EYA1: variants seen among roughly 807,000 people sequenced by gnomAD.
EYA1 encodes the protein protein phosphatase EYA1.
Under a neutral mutation model 82.0 loss-of-function variants are expected in EYA1, and 16 were observed. The observed-to-expected ratio is 0.20, with a 90% confidence interval of 0.13 to 0.30. The LOEUF (loss-of-function observed/expected upper bound fraction) is 0.30, where lower values mean the gene tolerates loss of function less well. Among genes scored for constraint, EYA1 ranks in the 10% least tolerant of loss-of-function variants. The pLI, the probability that EYA1 is intolerant of heterozygous loss-of-function variation, is 1.00. For missense variants in EYA1, 633 were observed against 730.7 expected (o/e 0.87, Z 1.54); for synonymous variants, 261 against 264.4 (o/e 0.99, Z 0.12).
intron 4 of EYA1, among the ~76,000 whole-genome samples, chr8:71,327,959 G>A (rs566059172): frequency 2.0e-5 from 3 of 150,068 alleles, no homozygotes; most frequent in East Asian, 4.0e-4. Context: ...GGGTTCAAGC[G>A]ATTCTCCTGC....
intron 2 of EYA1, among the ~76,000 whole-genome samples, chr8:71,442,896 A>G (rs1240817595): frequency 6.6e-6 from 1 of 152,232 alleles, no homozygotes; most frequent in Non-Finnish European, 1.5e-5. Flanking sequence ...TGTGTATTAC[A>G]GGTCACTTTT....
intron 2 of EYA1, among the ~76,000 whole-genome samples, chr8:71,461,256 C>T (rs1808340449): frequency 6.6e-6 from 1 of 151,976 alleles, no homozygotes; most frequent in South Asian, 2.1e-4. Context: ...CTGCACCCGG[C>T]TCATGCTACT....
intron 17 of EYA1, among the ~76,000 whole-genome samples, chr8:71,204,582 G>A (rs182473466): frequency 1.0e-3 from 157 of 152,294 alleles, no homozygotes; most frequent in Admixed American, 3.2e-3. Flanking sequence ...GAATACCGAT[G>A]CAGTCACTTA....
At chr8:71,421,038 A>G (rs1831120427) in intron 2 of EYA1, among the ~76,000 whole-genome samples, 1 of 152,212 alleles carries the variant, frequency 6.6e-6, no homozygotes, top group Non-Finnish European at 1.5e-5. Context: ...CACAGAACTA[A>G]CACATTGGCC....
At chr8:71,311,977 G>A (rs1181967166) in intron 7 of EYA1, among the ~76,000 whole-genome samples, 1 of 152,180 alleles carries the variant, frequency 6.6e-6, no homozygotes, top group East Asian at 1.9e-4. Flanking sequence ...GATTCCAGAA[G>A]GATCACTTGG....
chr8:71,533,612 T>A (rs572125121), intron 2 of EYA1, among the ~76,000 whole-genome samples: 1 of 152,272 alleles, frequency 6.6e-6, no homozygotes, highest in South Asian at 2.1e-4. Context: ...TTGAGTTACC[T>A]TAATGTTTTT....
At chr8:71,266,034 A>G (rs1262537065) in intron 11 of EYA1, among the ~76,000 whole-genome samples, 1 of 152,226 alleles carries the variant, frequency 6.6e-6, no homozygotes, top group Non-Finnish European at 1.5e-5. Flanking sequence ...ACATTGCTGT[A>G]ACATGCCCTA....
At chr8:71,546,514 T>TTA (rs1815599927) in intron 1 of EYA1, among the ~76,000 whole-genome samples, 1 of 150,592 alleles carries the variant, frequency 6.6e-6, no homozygotes, top group African/African-American at 2.4e-5. Context: ...GATTCTTATT[T>TTA]TTTTTTTTTT....
At chr8:71,277,090 G>A (rs1817262924) in intron 9 of EYA1, among the ~76,000 whole-genome samples, 2 of 136,388 alleles carry the variant, frequency 1.5e-5, no homozygotes, top group Non-Finnish European at 3.1e-5. Flanking sequence ...CTCTGAAAGT[G>A]CCATGCTATT....
chr8:71,249,975 T>A (rs1240472511), intron 11 of EYA1, among the ~76,000 whole-genome samples: 1 of 152,034 alleles, frequency 6.6e-6, no homozygotes, highest in African/African-American at 2.4e-5. Flanking sequence ...TTCAACACTC[T>A]GTCACTCGGA....
intron 2 of EYA1, among the ~76,000 whole-genome samples, chr8:71,408,308 C>A (rs1830389878): frequency 6.6e-6 from 1 of 151,828 alleles, no homozygotes; most frequent in Admixed American, 6.6e-5. Flanking sequence ...GAAGAAACTG[C>A]ATCAACTAAC....
intron 11 of EYA1, among the ~76,000 whole-genome samples, chr8:71,266,193 A>G (rs1001013246): frequency 9.9e-5 from 15 of 152,168 alleles, no homozygotes; most frequent in Admixed American, 8.5e-4. Context: ...TTCATTCTTT[A>G]TATACATGTA....
chr8:71,346,065 T>C (rs1334744031), intron 3 of EYA1, among the ~76,000 whole-genome samples: 1 of 151,956 alleles, frequency 6.6e-6, no homozygotes, highest in East Asian at 1.9e-4. Context: ...AATGTCTTCG[T>C]CACAGCTATA....
chr8:71,215,272 A>ATT (rs367683185), intron 16 of EYA1, 115 bp downstream of exon 16: 5 of 866,736 alleles, frequency 5.8e-6, no homozygotes, highest in Middle Eastern at 3.7e-4. Flanking sequence ...TTATTCTTGT[A>ATT]TTTTTTTTTT....
intron 2 of EYA1, among the ~76,000 whole-genome samples, chr8:71,480,916 C>A (rs957979490): frequency 2.0e-5 from 3 of 151,908 alleles, no homozygotes; most frequent in African/African-American, 7.2e-5. Context: ...TGGCTTTTTT[C>A]CGTGGTCAAT....
chr8:71,524,944 G>A (rs1688230048), intron 2 of EYA1, among the ~76,000 whole-genome samples: 1 of 152,182 alleles, frequency 6.6e-6, no homozygotes, highest in African/African-American at 2.4e-5. Context: ...CTGCCTGGAA[G>A]AAAACACACA....
intron 7 of EYA1, among the ~76,000 whole-genome samples, chr8:71,307,756 T>C (rs951684983): frequency 6.6e-6 from 1 of 152,210 alleles, no homozygotes; most frequent in African/African-American, 2.4e-5. Context: ...GAACTTCGCA[T>C]CCACATACCA....
chr8:71,259,881 T>A (rs1814890725), intron 11 of EYA1, among the ~76,000 whole-genome samples: 1 of 152,212 alleles, frequency 6.6e-6, no homozygotes, highest in Admixed American at 6.5e-5. Context: ...TATGTAACTA[T>A]GTTTTAAAAG....
chr8:71,543,664 A>G (rs1815331101), intron 1 of EYA1, among the ~76,000 whole-genome samples: 2 of 152,138 alleles, frequency 1.3e-5, no homozygotes, highest in Non-Finnish European at 2.9e-5. Context: ...ATTTATTCCT[A>G]CTTGAGTAAA....
Sources: allele counts gnomAD v4.1 joint callset (sites outside exome capture counted in the v4.1 genomes callset), GRCh38; gene constraint gnomAD v4.1.1; transcripts MANE v1.5; gene names NCBI Gene and HGNC (gene_info 2026-07-23, HGNC 2026-07-21).